The following RBMS1 variants were observed in gnomAD, a reference collection of about 807,000 sequenced individuals.
RBMS1 encodes RNA binding motif single stranded interacting protein 1, also known as RNA-binding motif, single-stranded-interacting protein 1.
A neutral mutation model predicts 62.3 loss-of-function variants in RBMS1; 17 were observed. The ratio of observed to expected loss-of-function variants is 0.27; its 90% CI spans 0.19 to 0.41. RBMS1 has a LOEUF of 0.41. RBMS1 is among the 10% of genes least tolerant of loss of function. RBMS1 has a pLI of 1.00. For missense variants in RBMS1, 334 were observed against 504.5 expected (o/e 0.66, Z 3.24); for synonymous variants, 172 against 170.0 (o/e 1.01, Z -0.09).
chr2:160,477,921 G>A (rs1685210116), intron 1 of RBMS1, among the ~76,000 whole-genome samples: 2 of 152,186 alleles, frequency 1.3e-5, no homozygotes, highest in South Asian at 2.1e-4. Flanking sequence ...CTATGTTTTC[G>A]GAGAGATTTG....
Position 160,294,170 on chromosome 2 carries a change from A to G in RBMS1, c.640+6481T>C, listed in dbSNP as rs1180038462. ...GGACTGGGTGGGGAAAGACAGAAGG[A>G]AAGGCCACATAAGCAATTATTTTTT... On this transcript the variant is annotated intron_variant, in intron 6 of 13. Transcript: ENST00000348849. 2.0e-5 allele frequency among the ~76,000 whole-genome samples: 3 copies of G among 152,372 alleles called. No homozygotes were observed. In the East Asian group the frequency reaches 5.8e-4, roughly 29 times the overall value.
chr2:160,395,939 T>A (rs746620716), intron 1 of RBMS1, among the ~76,000 whole-genome samples: 3 of 152,116 alleles, frequency 2.0e-5, no homozygotes, highest in Non-Finnish European at 2.9e-5. Flanking sequence ...ACTGACCTGT[T>A]AGGAGACACC....
At chr2:160,460,934 G>A (rs1684434460) in intron 1 of RBMS1, among the ~76,000 whole-genome samples, 1 of 152,140 alleles carries the variant, frequency 6.6e-6, no homozygotes, top group African/African-American at 2.4e-5. Context: ...AGAGTTAAAT[G>A]AGCAATAAAA....
chr2:160,441,229 A>G lies in RBMS1; in HGVS notation c.75+52060T>C, dbSNP rs75761401. Among the ~76,000 whole-genome samples the G allele has an allele frequency of 1.7e-3, 266 of 152,300 alleles. 2 individuals are homozygous for G. In the East Asian group the frequency reaches 0.038, roughly 22 times the overall value. On this transcript the variant is annotated intron_variant, in intron 1 of 13. Transcript: ENST00000348849. ...TGTTCTTTTTTTATTGCTAAGTAGTATGACATTTTAAGATAATTTGTTTAC... is the reference window on the plus strand; with the variant it reads ...TGTTCTTTTTTTATTGCTAAGTAGTGTGACATTTTAAGATAATTTGTTTAC...
At chr2:160,461,351 C>T (rs1056942598) in intron 1 of RBMS1, among the ~76,000 whole-genome samples, 6 of 152,060 alleles carry the variant, frequency 3.9e-5, no homozygotes, top group Admixed American at 2.6e-4. Flanking sequence ...AATAATAATT[C>T]TCTGATGAAA....
chr2:160,347,120 G>GA (rs1173935385), intron 2 of RBMS1, among the ~76,000 whole-genome samples: 2 of 151,946 alleles, frequency 1.3e-5, no homozygotes, highest in African/African-American at 2.4e-5. Flanking sequence ...AACTAAAGGG[G>GA]AAAAAAATCC....
At chr2:160,460,663 G>C (rs200845018) in intron 1 of RBMS1, among the ~76,000 whole-genome samples, 3 of 152,304 alleles carry the variant, frequency 2.0e-5, no homozygotes, top group Non-Finnish European at 2.9e-5. Context: ...TGGCTGTTTT[G>C]CTTCTTTTTA....
intron 1 of RBMS1, chr2:160,432,329 C>A (rs1195531597): frequency 6.6e-6 from 1 of 152,076 alleles, no homozygotes; most frequent in African/African-American, 2.4e-5. Flanking sequence ...GGAGGAGAAT[C>A]TGAAAGCGCC....
intron 1 of RBMS1, chr2:160,493,016 C>T (rs1685914172): frequency 7.7e-6 from 3 of 390,754 alleles, no homozygotes; most frequent in African/African-American, 2.1e-5. Context: ...ACCCTCCCCG[C>T]TGGCCGGGCC....
intron 1 of RBMS1, among the ~76,000 whole-genome samples, chr2:160,464,400 G>A (rs1574092331): frequency 6.6e-6 from 1 of 152,172 alleles, no homozygotes; most frequent in East Asian, 1.9e-4. Flanking sequence ...CATCATAAAT[G>A]TAGATTTAAA....
At chr2:160,276,362 C>A (rs1413154683) in intron 12 of RBMS1, among the ~76,000 whole-genome samples, 1 of 151,292 alleles carries the variant, frequency 6.6e-6, no homozygotes, top group Non-Finnish European at 1.5e-5. Context: ...ACCACCACCA[C>A]CACCACCAAC....
intron 6 of RBMS1, among the ~76,000 whole-genome samples, chr2:160,296,822 A>C (rs898223208): frequency 6.6e-6 from 1 of 152,030 alleles, no homozygotes; most frequent in Non-Finnish European, 1.5e-5. Context: ...CAAATGGGGC[A>C]CTCTGTTCTA....
chr2:160,339,782 T>G (rs1335116953), intron 2 of RBMS1, among the ~76,000 whole-genome samples: 1 of 152,150 alleles, frequency 6.6e-6, no homozygotes, highest in Non-Finnish European at 1.5e-5. Context: ...TAAACCGTTA[T>G]AAGCTACTGT....
At chr2:160,395,468 C>T (rs1695087451) in intron 1 of RBMS1, among the ~76,000 whole-genome samples, 1 of 151,866 alleles carries the variant, frequency 6.6e-6, no homozygotes, top group East Asian at 1.9e-4. Context: ...ACTAAAAATA[C>T]AAAAAATTAG....
rs1345888306 is a variant in RBMS1, at chr2:160,285,086, G to A, written c.757-42C>T. On this transcript the variant is annotated intron_variant, in intron 7 of 13. Coordinates refer to ENST00000348849, the MANE Select transcript of RBMS1 (RefSeq NM_016836.4). ...GAAATATAAACATTCATCTAGAAAGGCATGATTTAAAAATTCTATTTTTAG... is the reference window on the plus strand; with the variant it reads ...GAAATATAAACATTCATCTAGAAAGACATGATTTAAAAATTCTATTTTTAG... 2.5e-6 allele frequency: 4 copies of A among 1,578,010 alleles called. No individual in the cohort carries two copies. The South Asian group carries it at 4.4e-5, about 17-fold the overall frequency.
At chr2:160,282,258 T>A in intron 9 of RBMS1, 1 of 1,367,878 alleles carries the variant, frequency 7.3e-7, no homozygotes, top group South Asian at 1.1e-5. Context: ...GCGATTTACC[T>A]TGATAGCAGA....
chr2:160,275,525 T>TATGATAGG, intron 13 of RBMS1, 105 bp downstream of exon 13: 1 of 1,497,724 alleles, frequency 6.7e-7, no homozygotes, highest in Non-Finnish European at 8.9e-7. Context: ...ATTAAAGCAG[T>TATGATAGG]ATGATAAAAT....
intron 1 of RBMS1, among the ~76,000 whole-genome samples, chr2:160,410,461 C>T (rs1695982098): frequency 6.6e-6 from 1 of 151,776 alleles, no homozygotes; most frequent in Admixed American, 6.6e-5. Flanking sequence ...TCAACAAAAT[C>T]TAAAATGTAA....
At chr2:160,460,316 A>C (rs2105331071) in intron 1 of RBMS1, among the ~76,000 whole-genome samples, 1 of 152,334 alleles carries the variant, frequency 6.6e-6, no homozygotes, top group Non-Finnish European at 1.5e-5. Context: ...GCATGTCACC[A>C]TGAGGTAAGG....
Sources: allele counts gnomAD v4.1 joint callset (sites outside exome capture counted in the v4.1 genomes callset), GRCh38; gene constraint gnomAD v4.1.1; transcripts MANE v1.5; gene names NCBI Gene and HGNC (gene_info 2026-07-23, HGNC 2026-07-21).